DYNLRB2: variants seen among roughly 807,000 people sequenced by gnomAD.
DYNLRB2 encodes dynein light chain roadblock-type 2.
A neutral mutation model predicts 12.6 loss-of-function variants in DYNLRB2; 14 were observed. The observed-to-expected ratio is 1.11, with a 90% CI of 0.73 to 1.73. The LOEUF (loss-of-function observed/expected upper bound fraction) is 1.73. DYNLRB2 is among the 40% of genes most tolerant of loss of function. The probability of loss-of-function intolerance (pLI) is 0.00; values close to 1 mark genes in which losing one functional copy is unlikely to be tolerated. For missense variants in DYNLRB2, 142 were observed against 117.7 expected (o/e 1.21, Z -0.95); for synonymous variants, 53 against 37.0 (o/e 1.43, Z -1.57).
chr16:80,541,466 G>C lies in DYNLRB2; in HGVS notation c.3+387G>C, dbSNP rs569027579. 6.8e-6 allele frequency: 6 copies of C among 883,570 alleles called. No individual in the cohort carries two copies. The African/African-American group carries it at 1.1e-4, about 16-fold the overall frequency. 54.7% of individuals were successfully genotyped at this position (883,570 alleles called of 1,614,324 possible). A position where few individuals can be genotyped will look rare whatever the true frequency, so the allele number is the denominator to read the frequency against. On this transcript the variant is annotated intron_variant, in intron 1 of 3. Transcript: ENST00000305904. ...AAATCAGACCCTTAGAGAGAAGGAA[G>C]AGGTGGGACAGGGAAAGCAAGGGAA...
rs1244607923 is a variant in DYNLRB2 at position 80,549,652 on chromosome 16, GT to G, written c.247+2del. 1 of 1,580,734 alleles carries G rather than the reference GT, an allele frequency of 6.3e-7. No individual in the cohort carries two copies. The highest frequency in any genetic ancestry group is 8.6e-7 in the Non-Finnish European group (1 of 1,157,442). ...AAACATGAAATCATGGTAGCTCCAG[GT>G]AATTTGGCATTTCATTTCCTAGTTA... On this transcript the variant is annotated splice_donor_variant, in intron 3 of 3. Coordinates refer to ENST00000305904, the MANE Select transcript of DYNLRB2 (RefSeq NM_130897.3). LOFTEE classifies it high-confidence loss of function.
chr16:80,545,897 C>T (rs1904433171), intron 2 of DYNLRB2, among the ~76,000 whole-genome samples: 1 of 150,952 alleles, frequency 6.6e-6, no homozygotes, highest in Admixed American at 6.6e-5. Context: ...TTTCGATCTC[C>T]TGACCTTGTG....
At chr16:80,540,981 A>G (rs1597085892), upstream of DYNLRB2, 4 of 1,580,552 alleles carry the variant, frequency 2.5e-6, no homozygotes, top group East Asian at 6.8e-5. Context: ...CCGTGGGGCC[A>G]CTTCCTTTTT....
At chr16:80,548,726 CA>C (rs5818303) in intron 2 of DYNLRB2, among the ~76,000 whole-genome samples, 84,781 of 128,042 alleles carry the variant, frequency 0.66, 27,553 homozygotes, top group East Asian at 0.82. Flanking sequence ...GACTCCGTCT[CA>C]AAAAAAAAAA....
chr16:80,548,983 A>T (rs1346597269), intron 2 of DYNLRB2: 1 of 455,920 alleles, frequency 2.2e-6, no homozygotes, highest in African/African-American at 2.0e-5. Context: ...AGAACTTCAG[A>T]GCAGACTCAC....
chr16:80,545,956 A>T (rs1292582726), intron 2 of DYNLRB2, among the ~76,000 whole-genome samples: 2 of 151,942 alleles, frequency 1.3e-5, no homozygotes, highest in East Asian at 3.9e-4. Context: ...GGCGTGAGCC[A>T]CCACGCCCAG....
chr16:80,550,414 C>T, intron 3 of DYNLRB2, 101 bp from the exon 4 acceptor site: 1 of 1,396,998 alleles, frequency 7.2e-7, no homozygotes, highest in Admixed American at 1.7e-5. Context: ...TCTGTCTGCA[C>T]AAGGTCCCTG....
Position 80,550,685 on chromosome 16 carries a change from T to C in DYNLRB2, c.*127T>C. 9.9e-7 allele frequency: 1 copy of C among 1,007,870 alleles called. No individual in the cohort carries two copies. The highest frequency in any genetic ancestry group is 2.0e-5 in the Admixed American group (1 of 50,352). 62.4% of individuals were successfully genotyped at this position (1,007,870 alleles called of 1,614,324 possible). ...TTCTTTTCTATTTCTATATCTAAACTGTTCTGCATGTCTCATTTAGTCCCT... is the reference window on the plus strand; with the variant it reads ...TTCTTTTCTATTTCTATATCTAAACCGTTCTGCATGTCTCATTTAGTCCCT... On this transcript the variant is annotated 3_prime_UTR_variant, in exon 4 of 4. Transcript: ENST00000305904.
At position 80,549,643 on chromosome 16, in the gene DYNLRB2, T is replaced by C. The variant is rs545952099; in HGVS notation, c.239T>C (p.Val80Ala). Residue 80 changes from valine to alanine, a missense_variant, in exon 3 of 4, where the codon GTA becomes GCA. Coordinates refer to ENST00000305904, the MANE Select transcript of DYNLRB2 (RefSeq NM_130897.3). The part of the protein sequence containing the change: ...RIRSKKHEIM[V>A]APDKEYLLIV... ...AGATCAAAGAAACATGAAATCATGGTAGCTCCAGGTAATTTGGCATTTCAT... is the reference window on the plus strand; with the variant it reads ...AGATCAAAGAAACATGAAATCATGGCAGCTCCAGGTAATTTGGCATTTCAT... 6.3e-7 allele frequency: 1 copy of C among 1,589,888 alleles called. No homozygotes were observed. Among genetic ancestry groups the C allele is most frequent in the Admixed American group, 1.7e-5 (1 of 58,738 alleles).
At chr16:80,545,942 T>C (rs557289174) in intron 2 of DYNLRB2, among the ~76,000 whole-genome samples, 1 of 152,162 alleles carries the variant, frequency 6.6e-6, no homozygotes, top group Non-Finnish European at 1.5e-5. Context: ...GTGCTGGGAT[T>C]ACAGGCGTGA....
At chr16:80,543,427 C>T (rs1454707029) in intron 2 of DYNLRB2, 76 bp downstream of exon 2, 9 of 1,379,750 alleles carry the variant, frequency 6.5e-6, no homozygotes, top group South Asian at 1.2e-5. Flanking sequence ...GTCCTTAAGA[C>T]AAACATCTTC....
chr16:80,543,201 G>T (rs8049769), intron 1 of DYNLRB2, 75 bp from the exon 2 acceptor site: 1,421,357 of 1,457,192 alleles, frequency 0.98, 699,593 homozygotes, highest in East Asian at 1. Flanking sequence ...TAGGTATCTT[G>T]CTAAACATTA....
At position 80,541,029 on chromosome 16, in the gene DYNLRB2, C is replaced by T. The variant is rs540524209; in HGVS notation, c.-48C>T. 4.4e-6 allele frequency: 7 copies of T among 1,598,952 alleles called. No individual in the cohort carries two copies. Among genetic ancestry groups the T allele is most frequent in the South Asian group, 3.4e-5 (3 of 89,322 alleles). On this transcript the variant is annotated 5_prime_UTR_variant, in exon 1 of 4. Coordinates refer to ENST00000305904, the MANE Select transcript of DYNLRB2 (RefSeq NM_130897.3). ...ACGGCGGGTAGCGTTGTTGACATCCCGGGAGGCTGTGCCGCCGGCCTGAGC... is the reference window on the plus strand; with the variant it reads ...ACGGCGGGTAGCGTTGTTGACATCCTGGGAGGCTGTGCCGCCGGCCTGAGC...
At chr16:80,543,460 T>A in intron 2 of DYNLRB2, 109 bp downstream of exon 2, 18 of 1,005,088 alleles carry the variant, frequency 1.8e-5, no homozygotes, top group Non-Finnish European at 2.5e-5. Flanking sequence ...AAAAATATAT[T>A]TATATATTTT....
chr16:80,544,401 G>A (rs1904328338), intron 2 of DYNLRB2, among the ~76,000 whole-genome samples: 1 of 152,220 alleles, frequency 6.6e-6, no homozygotes, highest in South Asian at 2.1e-4. Context: ...ATGAGTGAGA[G>A]AGATAATAGA....
upstream of DYNLRB2, chr16:80,540,791 G>C: frequency 2.8e-6 from 2 of 704,584 alleles, no homozygotes; most frequent in Non-Finnish European, 2.6e-6. Flanking sequence ...ACACAGGCCG[G>C]GAGCCTGACC....
Position 80,549,110 on chromosome 16 carries a change from A to T in DYNLRB2, c.80-374A>T, listed in dbSNP as rs76674997. ...GCACAAAAATGTTCATCATCACCCC[A>T]TTAGCTATAAAAAATATAAGGTACC... On this transcript the variant is annotated intron_variant, in intron 2 of 3. Coordinates refer to ENST00000305904, the MANE Select transcript of DYNLRB2 (RefSeq NM_130897.3). 8.6e-3 allele frequency: 3,679 copies of T among 425,862 alleles called. 103 individuals are homozygous for T. The highest frequency in any genetic ancestry group is 0.068 in the African/African-American group (3,329 of 49,058). The allele number at this position is 425,862 out of a possible 1,614,324, so 26.4% of individuals were successfully genotyped here. A position where few individuals can be genotyped will look rare whatever the true frequency, so the allele number is the denominator to read the frequency against.
Position 80,541,072 on chromosome 16 carries a change from C to T in DYNLRB2, c.-5C>T, listed in dbSNP as rs1260319001. On this transcript the variant is annotated 5_prime_UTR_variant, in exon 1 of 4. Coordinates refer to ENST00000305904, the MANE Select transcript of DYNLRB2 (RefSeq NM_130897.3). ...GCCTGAGCCCAGAGTTTCGCGGCCT[C>T]CGCGATGGTAAATCTGGGGTCTCCG... The T allele has an allele frequency of 1.9e-6, 3 of 1,608,366 alleles. No individual in the cohort carries two copies. The highest frequency in any genetic ancestry group is 2.5e-6 in the Non-Finnish European group (3 of 1,176,914).
Position 80,549,608 on chromosome 16 carries a change from T to C in DYNLRB2, c.204T>C (p.Phe68=), listed in dbSNP as rs759785574. 6 of 1,612,678 alleles carry C rather than the reference T, an allele frequency of 3.7e-6. No homozygotes were observed. The Admixed American group carries it at 1.0e-4, about 27-fold the overall frequency. ...RDIDPQNDLT[F]LRIRSKKHEI... ...TTGATCCTCAGAACGACCTGACTTT[T>C]CTTAGGATCAGATCAAAGAAACATG... Residue 68 remains phenylalanine, a synonymous_variant, in exon 3 of 4, where the codon TTT becomes TTC. Coordinates refer to ENST00000305904, the MANE Select transcript of DYNLRB2 (RefSeq NM_130897.3).
Sources: allele counts gnomAD v4.1 joint callset (sites outside exome capture counted in the v4.1 genomes callset), GRCh38; gene constraint gnomAD v4.1.1; transcripts MANE v1.5; gene names NCBI Gene and HGNC (gene_info 2026-07-23, HGNC 2026-07-21).